The following FMN2 variants were observed in gnomAD, a reference collection of about 807,000 sequenced individuals.
The protein encoded by FMN2 is formin-2.
Under a neutral mutation model 142.3 loss-of-function variants are expected in FMN2, and 51 were observed. The observed-to-expected ratio is 0.36, with a 90% CI of 0.29 to 0.45. The LOEUF is 0.45. Among genes scored for constraint, FMN2 ranks in the 20% least tolerant of loss-of-function variants. The probability of loss-of-function intolerance (pLI) is 1.00; values close to 1 mark genes in which losing one functional copy is unlikely to be tolerated. For missense variants in FMN2, 1,936 were observed against 2,122.8 expected (o/e 0.91, Z 1.73); for synonymous variants, 882 against 869.8 (o/e 1.01, Z -0.25).
chr1:240,118,849 C>T (rs906915691), intron 1 of FMN2, among the ~76,000 whole-genome samples: 2 of 151,784 alleles, frequency 1.3e-5, no homozygotes, highest in Non-Finnish European at 2.9e-5. Context: ...TAGTGAATGA[C>T]GAAGGGAGGG....
chr1:240,218,573 A>T (rs1666993116), intron 6 of FMN2, among the ~76,000 whole-genome samples: 1 of 151,496 alleles, frequency 6.6e-6, no homozygotes, highest in Middle Eastern at 3.4e-3. Flanking sequence ...AAAAAAAAAA[A>T]AATTTTATTT....
At position 240,154,129 on chromosome 1, in the gene FMN2, A is replaced by AAAAAAAG. The variant is rs3047192; in HGVS notation, c.1783-23790_1783-23789insAAAAGAA. Among the ~76,000 whole-genome samples, 405 of 101,962 alleles carry AAAAAAAG rather than the reference A, an allele frequency of 4.0e-3. 17 individuals carry two copies. The highest frequency in any genetic ancestry group is 0.017 in the South Asian group (36 of 2,090). 66.9% of individuals were successfully genotyped at this position (101,962 alleles called of 152,430 possible). On this transcript the variant is annotated intron_variant, in intron 2 of 17. Transcript: ENST00000319653. ...CATCAAAAAAAAAAAAAAAAAAAAA[A>AAAAAAAG]AAGTGTTACTACCTACAAGGCCTAC... is the stretch of plus-strand genomic sequence containing the variant.
At chr1:240,173,618 G>C (rs1664797889) in intron 2 of FMN2, among the ~76,000 whole-genome samples, 1 of 152,116 alleles carries the variant, frequency 6.6e-6, no homozygotes. Context: ...GAAGATGGTG[G>C]GAATATAGGA....
At chr1:240,131,124 A>C (rs1662718286) in intron 2 of FMN2, among the ~76,000 whole-genome samples, 1 of 152,182 alleles carries the variant, frequency 6.6e-6, no homozygotes, top group South Asian at 2.1e-4. Flanking sequence ...GATTTCTGAA[A>C]GTTTATTTCT....
chr1:240,170,978 G>T, intron 2 of FMN2: 1 of 795,318 alleles, frequency 1.3e-6, no homozygotes, highest in Non-Finnish European at 2.3e-6. Flanking sequence ...GAATGTATTA[G>T]GAATGTCAAG....
rs1464294279 is a variant in FMN2, at chr1:240,206,911, T to C, written c.2099T>C (p.Leu700Pro). The C allele has an allele frequency of 3.1e-6, 5 of 1,614,080 alleles. No individual in the cohort carries two copies. The highest frequency in any genetic ancestry group is 3.4e-6 in the Non-Finnish European group (4 of 1,180,034). The change falls in exon 5 of 18, where the codon CTG (leucine) becomes CCG (proline). Residue 700 changes from leucine to proline, a missense_variant. Physicochemically the swap from Leu to Pro is moderately conservative, Grantham distance 98 (BLOSUM62 -3). Around this residue, in one of 8 missense-constraint regions of FMN2, gnomAD observed 478 missense variants for 462.8 expected, o/e 1.03. Coordinates refer to ENST00000319653, the MANE Select transcript of FMN2 (RefSeq NM_020066.5). ...GAACTAGAGAGGCAGTATCCTGCCC[T>C]GGACACAGAGGTGGCCAGTGGTCAT... Reference protein sequence around the residue: ...IAELERQYPALDTEVASGHQG... With the variant: ...IAELERQYPAPDTEVASGHQG...
At position 240,206,842 on chromosome 1, in the gene FMN2, A is replaced by T; in HGVS notation, c.2030A>T (p.Gln677Leu). The part of the protein sequence containing the change: ...MKSEGQATVI[Q>L]QLEQTIEDLR... ...TCTGAGGGACAGGCCACTGTAATTC[A>T]GCAGCTGGAACAGACTATTGAGGAT... Residue 677 changes from glutamine (Q) to leucine (L), a missense_variant, in exon 5 of 18, where the codon CAG becomes CTG. Around this residue, in one of 8 missense-constraint regions of FMN2, gnomAD observed 478 missense variants for 462.8 expected, o/e 1.03. Transcript: ENST00000319653. 6.2e-7 allele frequency: 1 copy of T among 1,613,974 alleles called. No individual in the cohort carries two copies. Among genetic ancestry groups the T allele is most frequent in the East Asian group, 2.2e-5 (1 of 44,880 alleles).
intron 15 of FMN2, among the ~76,000 whole-genome samples, chr1:240,422,956 A>G (rs1268282003): frequency 6.6e-6 from 1 of 152,102 alleles, no homozygotes; most frequent in Non-Finnish European, 1.5e-5. Flanking sequence ...CTTGGGTTGA[A>G]TTACCTTTTT....
intron 13 of FMN2, among the ~76,000 whole-genome samples, chr1:240,345,601 G>A (rs551725788): frequency 6.6e-6 from 1 of 152,176 alleles, no homozygotes; most frequent in South Asian, 2.1e-4. Context: ...CTCCCAAGTA[G>A]CTGGGATTAC....
chr1:240,400,788 T>G (rs1673953674), intron 15 of FMN2: 1 of 151,530 alleles, frequency 6.6e-6, no homozygotes. Context: ...AGACTTTCTT[T>G]ACTTCCCCCC....
intron 16 of FMN2, chr1:240,458,125 A>G (rs1011233710): frequency 6.6e-6 from 1 of 152,256 alleles, no homozygotes; most frequent in Admixed American, 6.5e-5. Context: ...GAAAGCTAGC[A>G]GGAGGGCAAG....
At chr1:240,318,583 C>T (rs898204058) in intron 8 of FMN2, among the ~76,000 whole-genome samples, 4 of 152,024 alleles carry the variant, frequency 2.6e-5, no homozygotes, top group African/African-American at 9.7e-5. Context: ...TCATTGCTTC[C>T]CTATGTTTGT....
intron 13 of FMN2, among the ~76,000 whole-genome samples, chr1:240,350,549 T>G (rs1048128499): frequency 6.6e-6 from 1 of 152,202 alleles, no homozygotes; most frequent in Non-Finnish European, 1.5e-5. Flanking sequence ...TTAACAGCTT[T>G]TTTATTTTTA....
chr1:240,291,631 A>G lies in FMN2; in HGVS notation c.4154-3191A>G, dbSNP rs1011138548. 2.6e-5 allele frequency among the ~76,000 whole-genome samples: 4 copies of G among 152,236 alleles called. No individual in the cohort carries two copies. In the East Asian group the frequency reaches 7.7e-4, roughly 29 times the overall value. ...AATGCTAATAAACAAGACAGAGTAT[A>G]ATGAAGAAGCCCAGGTAGTTCTGTA... On this transcript the variant is annotated intron_variant, in intron 7 of 17. Transcript: ENST00000319653.
chr1:240,349,645 G>T (rs1166866397), intron 13 of FMN2, among the ~76,000 whole-genome samples: 1 of 152,194 alleles, frequency 6.6e-6, no homozygotes, highest in Non-Finnish European at 1.5e-5. Flanking sequence ...CCCATTGTCT[G>T]GTGGGAATGT....
intron 15 of FMN2, among the ~76,000 whole-genome samples, chr1:240,434,728 A>ATTTTT (rs34969961): frequency 3.8e-5 from 5 of 130,762 alleles, no homozygotes; most frequent in African/African-American, 5.8e-5. Context: ...CACCCTGCTA[A>ATTTTT]TTTTTTTTTT....
chr1:240,375,472 T>C (rs1043978523), intron 14 of FMN2, among the ~76,000 whole-genome samples: 16 of 152,326 alleles, frequency 1.1e-4, no homozygotes, highest in Non-Finnish European at 1.9e-4. Flanking sequence ...ACACAGAAGA[T>C]GGTTAGAAGG....
chr1:240,222,014 A>ATTTTTTTTTTTTTTTTTTTT (rs71170722), intron 6 of FMN2, among the ~76,000 whole-genome samples: 1 of 129,744 alleles, frequency 7.7e-6, no homozygotes, highest in Non-Finnish European at 1.6e-5. Context: ...CACCCAGCTA[A>ATTTTTTTTTTTTTTTTTTTT]TTTTTTTTTT....
chr1:240,362,992 G>A (rs1303270159), intron 14 of FMN2, among the ~76,000 whole-genome samples: 1 of 152,118 alleles, frequency 6.6e-6, no homozygotes, highest in Non-Finnish European at 1.5e-5. Flanking sequence ...GCATAAATCT[G>A]TAATCACATG....
Sources: gnomAD v4.1 joint callset for allele counts (sites outside exome capture counted in the v4.1 genomes callset) on GRCh38, gnomAD v4.1.1 for gene constraint, gnomAD v4.1.1 regional missense constraint, MANE v1.5 for transcripts, NCBI Gene and HGNC (gene_info 2026-07-23, HGNC 2026-07-21) for gene names.